Variants in FANCC observed in about 807,000 individuals in gnomAD.
The protein encoded by FANCC is Fanconi anemia group C protein.
Under a neutral mutation model 71.3 loss-of-function variants are expected in FANCC, and 55 were observed. The ratio of observed to expected loss-of-function variants is 0.77; its 90% CI spans 0.62 to 0.97. The LOEUF is 0.97. FANCC is among the 50% of genes least tolerant of loss of function. The probability of loss-of-function intolerance (pLI) is 0.00; values close to 1 mark genes in which losing one functional copy is unlikely to be tolerated. For synonymous variants in FANCC, 275 were observed against 244.9 expected (o/e 1.12, Z -1.15); for missense variants, 678 against 670.9 (o/e 1.01, Z -0.12).
intron 7 of FANCC, among the ~76,000 whole-genome samples, chr9:95,141,311 CAAAAAAAAAAAAAAA>C (rs66627467): frequency 1.8e-5 from 1 of 54,862 alleles, no homozygotes; most frequent in Non-Finnish European, 3.0e-5. Flanking sequence ...GACCCTGTCT[CAAAAAAAAAAAAAAA>C]AAAAAAAAAA....
chr9:95,106,040 C>T (rs1407107718), intron 14 of FANCC, among the ~76,000 whole-genome samples: 2 of 152,202 alleles, frequency 1.3e-5, no homozygotes, highest in Non-Finnish European at 2.9e-5. Context: ...GAGGAACCAC[C>T]CCATTCTTCT....
intron 1 of FANCC, among the ~76,000 whole-genome samples, chr9:95,301,207 A>ACACACAC (rs879715650): frequency 7.8e-6 from 1 of 128,114 alleles, no homozygotes; most frequent in Non-Finnish European, 1.7e-5. Context: ...CACACACACA[A>ACACACAC]AATTGTTAAA....
rs1431652458 is a variant in FANCC, at chr9:95,101,703, C to T, written c.*4G>A. 3 of 1,613,678 alleles carry T rather than the reference C, an allele frequency of 1.9e-6. No individual in the cohort carries two copies. In the African/African-American group the frequency reaches 4.0e-5, roughly 22 times the overall value. On this transcript the variant is annotated 3_prime_UTR_variant, in exon 15 of 15. Transcript: ENST00000289081. The stretch of plus-strand genomic sequence containing the variant: ...GCCGGGCACCCACACGGCCTGCGTG[C>T]CTTCTAGACTTGAGTTCGCAGCTCT...
intron 8 of FANCC, among the ~76,000 whole-genome samples, chr9:95,134,313 C>T (rs1024943731): frequency 1.2e-4 from 19 of 152,128 alleles, no homozygotes; most frequent in African/African-American, 4.6e-4. Context: ...TTGAAGGCCT[C>T]TAGGAGGTAG....
intron 1 of FANCC, among the ~76,000 whole-genome samples, chr9:95,290,365 T>G (rs1833931426): frequency 6.6e-6 from 1 of 152,222 alleles, no homozygotes. Flanking sequence ...ACCAATGATA[T>G]CTTTCTGTCA....
chr9:95,197,536 CACAA>C (rs535940433), intron 4 of FANCC, among the ~76,000 whole-genome samples: 243 of 152,100 alleles, frequency 1.6e-3, no homozygotes, highest in Non-Finnish European at 3.0e-3. Flanking sequence ...CAGACCCCGT[CACAA>C]ACAAACAAAC....
rs114753454 is a variant in FANCC, at chr9:95,250,951, G to A, written c.-78-1582C>T. Among the ~76,000 whole-genome samples the A allele has an allele frequency of 9.8e-3, 1,498 of 152,312 alleles. 32 individuals are homozygous for A. Among genetic ancestry groups the A allele is most frequent in the African/African-American group, 0.034 (1,416 of 41,562 alleles). ...CTTAAACTCCCCGTAGATACTCCCAGCTGCTTGCTGGAGTCTTGAAGACCC... is the reference window on the plus strand; with the variant it reads ...CTTAAACTCCCCGTAGATACTCCCAACTGCTTGCTGGAGTCTTGAAGACCC... On this transcript the variant is annotated intron_variant, in intron 1 of 14. Transcript: ENST00000289081.
chr9:95,288,478 C>A (rs1588421346), intron 1 of FANCC, among the ~76,000 whole-genome samples: 1 of 152,210 alleles, frequency 6.6e-6, no homozygotes, highest in East Asian at 1.9e-4. Context: ...GATGCAAATT[C>A]TATTGACAAG....
At chr9:95,316,263 T>C (rs1166895938) in intron 1 of FANCC, among the ~76,000 whole-genome samples, 2 of 152,242 alleles carry the variant, frequency 1.3e-5, no homozygotes, top group African/African-American at 4.8e-5. Context: ...ATGAATAATG[T>C]ATATGAGTGC....
At chr9:95,234,670 T>TA (rs896510071) in intron 4 of FANCC, among the ~76,000 whole-genome samples, 5 of 152,086 alleles carry the variant, frequency 3.3e-5, no homozygotes, top group African/African-American at 7.2e-5. Flanking sequence ...ACCAATAAGA[T>TA]AGACACACAC....
intron 4 of FANCC, among the ~76,000 whole-genome samples, chr9:95,172,911 T>C (rs1825774471): frequency 6.6e-6 from 1 of 152,178 alleles, no homozygotes; most frequent in African/African-American, 2.4e-5. Flanking sequence ...TAAAATCTTG[T>C]GTTTACCAGA....
At chr9:95,289,573 T>C (rs890541227) in intron 1 of FANCC, among the ~76,000 whole-genome samples, 2 of 152,228 alleles carry the variant, frequency 1.3e-5, no homozygotes, top group Admixed American at 6.5e-5. Flanking sequence ...TAATATAAAT[T>C]CAAAGCATAT....
In FANCC at chr9:95,114,434, A is replaced by C. The variant is rs145324546; in HGVS notation, c.1154+195T>G. 381 of 677,048 alleles carry C rather than the reference A, an allele frequency of 5.6e-4. 2 individuals carry two copies. The African/African-American group carries it at 6.1e-3, about 11-fold the overall frequency. 41.9% of individuals were successfully genotyped at this position (677,048 alleles called of 1,614,324 possible). ...GGCACATGCATACATGCGCATGCCT[A>C]TTCATCCTGACCTGCTCCAAGCCAT... is the stretch of plus-strand genomic sequence containing the variant. On this transcript the variant is annotated intron_variant, in intron 12 of 14. Coordinates refer to ENST00000289081, the MANE Select transcript of FANCC (RefSeq NM_000136.3).
chr9:95,206,457 C>T (rs988248678), intron 4 of FANCC, among the ~76,000 whole-genome samples: 1 of 152,188 alleles, frequency 6.6e-6, no homozygotes, highest in Non-Finnish European at 1.5e-5. Context: ...AAGTCCCCTA[C>T]ATCGTCTAAC....
rs2071049207 is a variant in FANCC at position 95,100,856 on chromosome 9, C to T, written c.*851G>A. 1 of 230,832 alleles carries T rather than the reference C, an allele frequency of 4.3e-6. No individual in the cohort carries two copies. The highest frequency in any genetic ancestry group is 2.2e-5 in the African/African-American group (1 of 45,220). The allele number at this position is 230,832 out of a possible 1,614,324, so 14.3% of individuals were successfully genotyped here. ...ATGTTAGCCAGGCAGTCTGGAACTC[C>T]TGGGCTGAAGTAATCCCCCTGCCTT... On this transcript the variant is annotated 3_prime_UTR_variant, in exon 15 of 15. Transcript: ENST00000289081.
At chr9:95,210,871 T>C (rs886717797) in intron 4 of FANCC, among the ~76,000 whole-genome samples, 4 of 152,190 alleles carry the variant, frequency 2.6e-5, no homozygotes, top group Non-Finnish European at 5.9e-5. Context: ...AAACTCTATC[T>C]ATATACTAAT....
Position 95,293,498 on chromosome 9 carries a change from G to GGGGTTC in FANCC, c.-79+24027_-79+24028insGAACCC, listed in dbSNP as rs1221261091. On this transcript the variant is annotated intron_variant, in intron 1 of 14. Coordinates refer to ENST00000289081, the MANE Select transcript of FANCC (RefSeq NM_000136.3). ...AGCCAATAAGTACTGGTGTTCAAGT[G>GGGGTTC]AACTTGGGTAAAAGTCCATCTAATA... is the stretch of plus-strand genomic sequence containing the variant. The GGGGTTC allele has an allele frequency of 4.4e-6, 7 of 1,585,516 alleles. No homozygotes were observed. In the African/African-American group the frequency reaches 5.4e-5, roughly 12 times the overall value.
chr9:95,228,461 CCA>C (rs1829770775), intron 4 of FANCC, among the ~76,000 whole-genome samples: 1 of 152,210 alleles, frequency 6.6e-6, no homozygotes, highest in South Asian at 2.1e-4. Flanking sequence ...CCTCATCCCA[CCA>C]CATTTTGCCA....
chr9:95,267,127 A>G (rs898787969), intron 1 of FANCC, among the ~76,000 whole-genome samples: 3 of 152,154 alleles, frequency 2.0e-5, no homozygotes, highest in Non-Finnish European at 4.4e-5. Context: ...AAAACAGGCA[A>G]TGAAACTGTA....
Sources: allele counts gnomAD v4.1 joint callset (sites outside exome capture counted in the v4.1 genomes callset), GRCh38; gene constraint gnomAD v4.1.1; transcripts MANE v1.5; gene names NCBI Gene and HGNC (gene_info 2026-07-23, HGNC 2026-07-21).